Variants in FAM227B observed in about 807,000 individuals in gnomAD.
FAM227B encodes the protein family with sequence similarity 227 member B.
A neutral mutation model predicts 73.8 loss-of-function variants in FAM227B; 88 were observed. The ratio of observed to expected loss-of-function variants is 1.19; its 90% CI spans 1.00 to 1.42. The LOEUF is 1.42. Among genes scored for constraint, FAM227B ranks in the 40% most tolerant of loss-of-function variants. The probability of loss-of-function intolerance (pLI) is 0.00; values close to 1 mark genes in which losing one functional copy is unlikely to be tolerated. For missense variants in FAM227B, 632 were observed against 590.9 expected (o/e 1.07, Z -0.72); for synonymous variants, 210 against 190.5 (o/e 1.10, Z -0.84).
chr15:49,355,445 A>G (rs544891596), intron 13 of FAM227B, among the ~76,000 whole-genome samples: 4 of 152,370 alleles, frequency 2.6e-5, no homozygotes, highest in African/African-American at 9.6e-5. Flanking sequence ...TGAAGAATGC[A>G]GAAGCCTCAG....
intron 13 of FAM227B, among the ~76,000 whole-genome samples, chr15:49,360,288 G>T (rs576011767): frequency 6.6e-6 from 1 of 151,670 alleles, no homozygotes; most frequent in South Asian, 2.1e-4. Context: ...GGGAGCATGT[G>T]TTTATAGTAA....
chr15:49,537,193 T>C (rs935306287), intron 10 of FAM227B, among the ~76,000 whole-genome samples: 1 of 152,132 alleles, frequency 6.6e-6, no homozygotes, highest in Non-Finnish European at 1.5e-5. Flanking sequence ...TTGTAATATC[T>C]ATAATTTATA....
At chr15:49,486,245 T>C (rs1333907487) in intron 11 of FAM227B, 1 of 152,084 alleles carries the variant, frequency 6.6e-6, no homozygotes, top group Non-Finnish European at 1.5e-5. Context: ...AATAGATTCA[T>C]TTAATTTTCC....
At chr15:49,564,332 CAATG>C (rs1367971744) in intron 9 of FAM227B, among the ~76,000 whole-genome samples, 1 of 152,028 alleles carries the variant, frequency 6.6e-6, no homozygotes, top group Non-Finnish European at 1.5e-5. Context: ...GAGTCAAAAA[CAATG>C]GATGCTGGCA....
chr15:49,521,564 T>A (rs2059788684), intron 10 of FAM227B, among the ~76,000 whole-genome samples: 2 of 152,104 alleles, frequency 1.3e-5, no homozygotes, highest in South Asian at 4.1e-4. Flanking sequence ...CAGTTACACC[T>A]CCCTGAAAGT....
Position 49,589,788 on chromosome 15 carries a change from T to C in FAM227B, c.325A>G (p.Ile109Val). The C allele has an allele frequency of 6.4e-7, 1 of 1,570,232 alleles. No individual in the cohort carries two copies. Among genetic ancestry groups the C allele is most frequent in the Non-Finnish European group, 8.8e-7 (1 of 1,141,540 alleles). The change falls in exon 4 of 16, where the codon ATT (isoleucine) becomes GTT (valine). Residue 109 changes from isoleucine to valine, a missense_variant. Ile to Val is a conservative substitution (Grantham distance 29). Transcript: ENST00000299338. ...TSEIFKWKSM[I>V]SETSSYRKLE... ...AAATAAGGCTCACTTGTCTCAGAAA[T>C]CATGCTTTTCCACTTAAATATTTCA...
rs117132237 is a variant in FAM227B, at chr15:49,366,245, T to C, written c.1271+1203A>G. On this transcript the variant is annotated intron_variant, in intron 13 of 15. Coordinates refer to ENST00000299338, the MANE Select transcript of FAM227B (RefSeq NM_152647.3). ...GTTATTTCCTAGAGTCTGCTTCATATCTATAAAGTCTTTGTCACTTATAAA... is the reference window on the plus strand; with the variant it reads ...GTTATTTCCTAGAGTCTGCTTCATACCTATAAAGTCTTTGTCACTTATAAA... 1.7e-3 allele frequency: 1,332 copies of C among 785,828 alleles called. 19 individuals carry two copies. In the East Asian group the frequency reaches 0.03, roughly 18 times the overall value. 48.7% of individuals were successfully genotyped at this position (785,828 alleles called of 1,614,324 possible).
At chr15:49,448,695 CTA>C (rs1223199385) in intron 11 of FAM227B, among the ~76,000 whole-genome samples, 2 of 151,114 alleles carry the variant, frequency 1.3e-5, no homozygotes, top group East Asian at 3.9e-4. Context: ...ATATAATAAA[CTA>C]TGTTGCTTTT....
chr15:49,424,612 C>A (rs377247133), intron 11 of FAM227B: 10 of 1,491,102 alleles, frequency 6.7e-6, no homozygotes, highest in South Asian at 1.4e-5. Flanking sequence ...TGCTCATGAA[C>A]CTTAGCAATC....
intron 11 of FAM227B, chr15:49,486,980 G>C (rs139688996): frequency 1.1e-4 from 16 of 151,984 alleles, no homozygotes; most frequent in African/African-American, 3.9e-4. Context: ...GCTGTCACAA[G>C]AGTCTAGATC....
At chr15:49,610,487 G>C (rs28593059) in intron 3 of FAM227B, among the ~76,000 whole-genome samples, 1 of 148,036 alleles carries the variant, frequency 6.8e-6, no homozygotes, top group African/African-American at 2.5e-5. Flanking sequence ...TTTAAAAGTA[G>C]ATATTTCTGA....
chr15:49,489,817 A>G (rs1480000540), intron 11 of FAM227B, among the ~76,000 whole-genome samples: 1 of 45,530 alleles, frequency 2.2e-5, no homozygotes, highest in Non-Finnish European at 4.2e-5. Flanking sequence ...ATATATATAT[A>G]TATTTTATAT....
chr15:49,489,872 A>ATATTT (rs1183387445), intron 11 of FAM227B, among the ~76,000 whole-genome samples: 11 of 15,790 alleles, frequency 7.0e-4, no homozygotes, highest in Admixed American at 3.3e-3. Flanking sequence ...ATATATATAT[A>ATATTT]TATATATATA....
chr15:49,426,239 T>C (rs1033301890), intron 11 of FAM227B, among the ~76,000 whole-genome samples: 2 of 151,858 alleles, frequency 1.3e-5, no homozygotes, highest in African/African-American at 2.4e-5. Flanking sequence ...CCAGTTCTTA[T>C]AGTCTATTCT....
intron 5 of FAM227B, 30 bp from the exon 6 acceptor site, chr15:49,577,694 A>T: frequency 1.4e-6 from 2 of 1,402,482 alleles, no homozygotes; most frequent in Non-Finnish European, 9.9e-7. Flanking sequence ...AACTCTTTAA[A>T]ACTCTAAATT....
chr15:49,421,945 T>G (rs1458313459), intron 11 of FAM227B, among the ~76,000 whole-genome samples: 8 of 152,208 alleles, frequency 5.3e-5, no homozygotes. Context: ...ATTCAACATT[T>G]GGCATATGAA....
At chr15:49,588,549 ATATATAT>A (rs2076318921) in intron 4 of FAM227B, among the ~76,000 whole-genome samples, 1 of 2,558 alleles carries the variant, frequency 3.9e-4, no homozygotes, top group Non-Finnish European at 6.7e-4. Context: ...ATTGAGGACT[ATATATAT>A]ATATATATAT....
chr15:49,397,072 C>G (rs984416593), intron 11 of FAM227B, among the ~76,000 whole-genome samples: 1 of 152,004 alleles, frequency 6.6e-6, no homozygotes, highest in Admixed American at 6.6e-5. Flanking sequence ...ACATTCAAAC[C>G]AAAGGCAAAG....
In FAM227B at chr15:49,568,297, T is replaced by G. The variant is rs1239251554; in HGVS notation, c.695A>C (p.Tyr232Ser). ...AGGTATGCTCATGAAAAGTGTCACA[T>G]AACTTTCTGAAATTCTATCGAATAA... ...DCLFDRISES[Y>S]VTLFMSIPLS... The change falls in exon 9 of 16, where the codon TAT becomes TCT. Residue 232 changes from tyrosine to serine, a missense_variant. By Grantham distance (144) the Tyr-to-Ser change is moderately radical. Coordinates refer to ENST00000299338, the MANE Select transcript of FAM227B (RefSeq NM_152647.3). 1.9e-6 allele frequency: 3 copies of G among 1,611,522 alleles called. No individual in the cohort carries two copies. The highest frequency in any genetic ancestry group is 3.4e-5 in the Admixed American group (2 of 59,696).
Sources: gnomAD v4.1 joint callset for allele counts (sites outside exome capture counted in the v4.1 genomes callset) on GRCh38, gnomAD v4.1.1 for gene constraint, MANE v1.5 for transcripts, NCBI Gene and HGNC (gene_info 2026-07-23, HGNC 2026-07-21) for gene names.